The following TULP4 variants were observed in gnomAD, a reference collection of about 807,000 sequenced individuals.
TULP4 encodes tubby-related protein 4.
In TULP4, 16 loss-of-function variants were observed where a neutral mutation model predicts 129.0. The ratio of observed to expected loss-of-function variants is 0.12; its 90% CI spans 0.08 to 0.19. The LOEUF (loss-of-function observed/expected upper bound fraction) is 0.19. Among genes scored for constraint, TULP4 ranks in the 10% least tolerant of loss-of-function variants. TULP4 has a pLI of 1.00. For synonymous variants in TULP4, 998 were observed against 854.0 expected (o/e 1.17, Z -2.94); for missense variants, 1,842 against 2,059.1 (o/e 0.89, Z 2.04).
In TULP4 at chr6:158,506,993, A is replaced by G. The variant is rs1466465573; in HGVS notation, c.*299A>G. On this transcript the variant is annotated 3_prime_UTR_variant, in exon 14 of 14. Transcript: ENST00000367097. The stretch of plus-strand genomic sequence containing the variant: ...AACAGCTTGGCTGTGGTAATGCTCT[A>G]CTGGGCCCTTCAGAATGAAGACAGT... 5.2e-6 allele frequency: 2 copies of G among 383,040 alleles called. No individual in the cohort carries two copies. Among genetic ancestry groups the G allele is most frequent in the East Asian group, 5.8e-5 (1 of 17,170 alleles). The allele number at this position is 383,040 out of a possible 1,614,324, so 23.7% of individuals were successfully genotyped here.
At chr6:158,386,236 C>G (rs559414635) in intron 1 of TULP4, among the ~76,000 whole-genome samples, 37 of 152,224 alleles carry the variant, frequency 2.4e-4, no homozygotes, top group African/African-American at 8.9e-4. Flanking sequence ...TCATAACTCT[C>G]AGATCAGACT....
intron 1 of TULP4, among the ~76,000 whole-genome samples, chr6:158,302,981 G>A (rs969462803): frequency 1.3e-5 from 2 of 150,144 alleles, no homozygotes; most frequent in African/African-American, 4.9e-5. Context: ...TATGTTAGTG[G>A]GATGTTTACG....
At chr6:158,397,083 G>A (rs552634194) in intron 1 of TULP4, among the ~76,000 whole-genome samples, 1 of 152,314 alleles carries the variant, frequency 6.6e-6, no homozygotes, top group South Asian at 2.1e-4. Flanking sequence ...ACCAGGTAGT[G>A]AGCAACCAGA....
At chr6:158,257,790 C>T (rs1778276327) in intron 1 of TULP4, among the ~76,000 whole-genome samples, 1 of 152,170 alleles carries the variant, frequency 6.6e-6, no homozygotes, top group Non-Finnish European at 1.5e-5. Flanking sequence ...CCATATTATA[C>T]TCTCAAAGCA....
chr6:158,423,951 T>C (rs1778414567), intron 2 of TULP4, among the ~76,000 whole-genome samples: 1 of 151,946 alleles, frequency 6.6e-6, no homozygotes, highest in Admixed American at 6.6e-5. Flanking sequence ...ACTTCTTCTC[T>C]TTGGAAGATA....
intron 2 of TULP4, among the ~76,000 whole-genome samples, chr6:158,428,617 GA>G (rs1778556820): frequency 1.4e-5 from 2 of 139,074 alleles, no homozygotes; most frequent in South Asian, 2.2e-4. Context: ...TTTTCAGTTA[GA>G]TTTTTTTTTT....
At chr6:158,386,739 C>G (rs1777457797) in intron 1 of TULP4, among the ~76,000 whole-genome samples, 1 of 151,780 alleles carries the variant, frequency 6.6e-6, no homozygotes, top group African/African-American at 2.4e-5. Flanking sequence ...TTACCACTTG[C>G]TAGCTGAACA....
At position 158,445,555 on chromosome 6, in the gene TULP4, C is replaced by T. The variant is rs78774551; in HGVS notation, c.544-3441C>T. Among the ~76,000 whole-genome samples the T allele has an allele frequency of 3.1e-3, 468 of 152,168 alleles. 3 individuals are homozygous for T. The highest frequency in any genetic ancestry group is 0.011 in the African/African-American group (440 of 41,512). ...CTTTTGGTTTACTGGGAGACAGGCA[C>T]GCAAAACCAGAACCAAGTTCAGAAT... On this transcript the variant is annotated intron_variant, in intron 3 of 13. Coordinates refer to ENST00000367097, the MANE Select transcript of TULP4 (RefSeq NM_020245.5).
intron 1 of TULP4, among the ~76,000 whole-genome samples, chr6:158,276,841 T>C (rs1778656010): frequency 6.6e-6 from 1 of 152,226 alleles, no homozygotes; most frequent in Admixed American, 6.5e-5. Context: ...ACCAAGGTAT[T>C]ATGGAAATAG....
intron 3 of TULP4, among the ~76,000 whole-genome samples, chr6:158,435,164 G>A (rs371266543): frequency 3.9e-5 from 6 of 152,324 alleles, no homozygotes; most frequent in South Asian, 2.1e-4. Context: ...ATTTCAAGGC[G>A]TTAAAGCTTA....
chr6:158,456,629 C>A (rs1192006142), intron 5 of TULP4, among the ~76,000 whole-genome samples: 1 of 152,012 alleles, frequency 6.6e-6, no homozygotes. Context: ...GTCAGGAGTT[C>A]GAGACTAGCC....
chr6:158,312,374 A>G, upstream of TULP4: 1 of 364,404 alleles, frequency 2.7e-6, no homozygotes, highest in Non-Finnish European at 4.8e-6. Context: ...AAAAGAAGAA[A>G]AAAAAATTTG....
chr6:158,242,458 CCAA>C, intron 1 of TULP4: 1 of 966,840 alleles, frequency 1.0e-6, no homozygotes, highest in Non-Finnish European at 1.7e-6. Context: ...TCATAGTGTT[CCAA>C]ACGGTGTAAC....
intron 1 of TULP4, among the ~76,000 whole-genome samples, chr6:158,303,049 T>C (rs751228729): frequency 6.8e-5 from 10 of 148,024 alleles, no homozygotes; most frequent in South Asian, 2.3e-4. Context: ...CAGTATCTAG[T>C]AGGCCCTTAA....
intron 1 of TULP4, among the ~76,000 whole-genome samples, chr6:158,411,126 G>GAAAAAAAAAAAAAAAAAA: frequency 1.9e-5 from 1 of 52,170 alleles, no homozygotes; most frequent in Non-Finnish European, 4.3e-5. Context: ...AGGTAAAAGT[G>GAAAAAAAAAAAAAAAAAA]AAAAAAAAAA....
chr6:158,334,064 G>A (rs934475851), intron 1 of TULP4, among the ~76,000 whole-genome samples: 2 of 152,214 alleles, frequency 1.3e-5, no homozygotes, highest in Non-Finnish European at 2.9e-5. Context: ...CCCAGTGTGA[G>A]CAGTTTGTCC....
rs928970411 is a variant in TULP4 at position 158,510,173 on chromosome 6, G to A, written c.*3479G>A. On this transcript the variant is annotated 3_prime_UTR_variant, in exon 14 of 14. Transcript: ENST00000367097. ...GAATGTATATCCTGAGAAAAATTGG[G>A]GCCAAAGAAGCAGGAAAATCTCAAA... is the stretch of plus-strand genomic sequence containing the variant. 8 of 152,492 alleles carry A rather than the reference G, an allele frequency of 5.2e-5. No homozygotes were observed. The highest frequency in any genetic ancestry group is 2.6e-4 in the Admixed American group (4 of 15,266). The allele number at this position is 152,492 out of a possible 1,614,324, so 9.4% of individuals were successfully genotyped here.
intron 1 of TULP4, among the ~76,000 whole-genome samples, chr6:158,271,788 AAAAT>A (rs1191712980): frequency 6.6e-6 from 1 of 152,180 alleles, no homozygotes; most frequent in Non-Finnish European, 1.5e-5. Flanking sequence ...CTCCTAAAGA[AAAAT>A]AAAATGTTCT....
upstream of TULP4, among the ~76,000 whole-genome samples, chr6:158,279,840 C>G (rs574125262): frequency 6.6e-6 from 1 of 152,320 alleles, no homozygotes; most frequent in East Asian, 1.9e-4. Context: ...ACACTTGATA[C>G]GTGTTTGGCT....
Sources: allele counts gnomAD v4.1 joint callset (sites outside exome capture counted in the v4.1 genomes callset), GRCh38; gene constraint gnomAD v4.1.1; transcripts MANE v1.5; gene names NCBI Gene and HGNC (gene_info 2026-07-23, HGNC 2026-07-21).